Variants in LMNA observed in about 807,000 individuals in gnomAD.
LMNA encodes lamin A/C.
In LMNA, 20 loss-of-function variants were observed where a neutral mutation model predicts 70.4. That is an observed-to-expected ratio of 0.28 (90% CI 0.20 to 0.41). The LOEUF is 0.41. Among genes scored for constraint, LMNA ranks in the 10% least tolerant of loss-of-function variants. The pLI, the probability that LMNA is intolerant of heterozygous loss-of-function variation, is 1.00. For synonymous variants in LMNA, 339 were observed against 372.8 expected (o/e 0.91, Z 1.04); for missense variants, 652 against 917.2 (o/e 0.71, Z 3.73).
At position 156,139,277 on chromosome 1, in the gene LMNA, G is replaced by A; in HGVS notation, c.*171G>A. Reference sequence around the variant, plus strand: ...CTAAGAGAAGTTATTTTCTACAGTGGTTTTATACTGAAGGAAAAACACAAG... The same window carrying A: ...CTAAGAGAAGTTATTTTCTACAGTGATTTTATACTGAAGGAAAAACACAAG... On this transcript the variant is annotated 3_prime_UTR_variant, in exon 12 of 12. Transcript: ENST00000368300. 1 of 1,392,050 alleles carries A rather than the reference G, an allele frequency of 7.2e-7. No homozygotes were observed. 86.2% of individuals were successfully genotyped at this position (1,392,050 alleles called of 1,614,324 possible).
intron 1 of LMNA, 58 bp from the exon 2 acceptor site, chr1:156,130,559 G>A (rs1391287285): frequency 1.3e-6 from 2 of 1,584,314 alleles, no homozygotes; most frequent in Non-Finnish European, 1.7e-6. Flanking sequence ...TGGGAGCCTG[G>A]CACTGTCTAG....
chr1:156,129,751 G>C, intron 1 of LMNA: 1 of 672,920 alleles, frequency 1.5e-6, no homozygotes, highest in Middle Eastern at 3.8e-4. Flanking sequence ...CAGGGGCCCA[G>C]AAAAGGTGAG....
intron 2 of LMNA, among the ~76,000 whole-genome samples, chr1:156,084,328 C>CGGGGGGGGG (rs60777722): frequency 1.5e-4 from 14 of 91,000 alleles, no homozygotes; most frequent in South Asian, 3.7e-4. Flanking sequence ...CTCAGAAGGT[C>CGGGGGGGGG]GGGGGGTGGT....
rs1651817781 is a variant in LMNA at position 156,137,997 on chromosome 1, G to A, written c.1698+254G>A. 9 of 719,178 alleles carry A rather than the reference G, an allele frequency of 1.3e-5. No homozygotes were observed. The highest frequency in any genetic ancestry group is 3.0e-5 in the Admixed American group (1 of 33,816). The allele number at this position is 719,178 out of a possible 1,614,324, so 44.5% of individuals were successfully genotyped here. ...GCCATGGAATATTCCTGTGGGAGCA[G>A]TGGACAAGGGTCTGGATTTGTCTTC... On this transcript the variant is annotated intron_variant, in intron 10 of 11. Coordinates refer to ENST00000368300, the MANE Select transcript of LMNA (RefSeq NM_170707.4). The surrounding 1 kb of genome is among the most constrained non-coding windows in gnomAD (Gnocchi z 4.6).
chr1:156,113,323 CAAAA>C (rs956134969), upstream of LMNA, among the ~76,000 whole-genome samples: 1 of 150,890 alleles, frequency 6.6e-6, no homozygotes, highest in African/African-American at 2.4e-5. Flanking sequence ...AACAAACAAA[CAAAA>C]AAAACAAACA....
intron 1 of LMNA, chr1:156,123,072 G>A (rs1183524848): frequency 1.3e-5 from 2 of 152,268 alleles, no homozygotes; most frequent in Admixed American, 6.5e-5. Flanking sequence ...GAGACCCTAA[G>A]CTTGTCCAGT....
In LMNA at chr1:156,114,891, C is replaced by G; in HGVS notation, c.-28C>G. On this transcript the variant is annotated 5_prime_UTR_variant, in exon 1 of 12. Coordinates refer to ENST00000368300, the MANE Select transcript of LMNA (RefSeq NM_170707.4). ...CGCGCCCTTTCCGGGACCCCTGCCC[C>G]GCGGGCAGCGCTGCCAACCTGCCGG... The G allele has an allele frequency of 1.3e-6, 2 of 1,485,032 alleles. No homozygotes were observed. The highest frequency in any genetic ancestry group is 1.8e-6 in the Non-Finnish European group (2 of 1,106,126). 92.0% of individuals were successfully genotyped at this position (1,485,032 alleles called of 1,614,324 possible).
chr1:156,138,942 GC>G lies in LMNA; in HGVS notation c.1969-134del. ...TCTGCATCCTGCCCCTCTTGTCTGA[GC>G]CCCAGACTGGAGGGCAGGGGCAGGG... On this transcript the variant is annotated intron_variant, in intron 11 of 11. Coordinates refer to ENST00000368300, the MANE Select transcript of LMNA (RefSeq NM_170707.4). The surrounding 1 kb of genome is among the most constrained non-coding windows in gnomAD (Gnocchi z 5.5). 1 of 1,288,386 alleles carries G rather than the reference GC, an allele frequency of 7.8e-7. No homozygotes were observed. 79.8% of individuals were successfully genotyped at this position (1,288,386 alleles called of 1,614,324 possible).
chr1:156,118,609 C>A (rs1649990888), intron 1 of LMNA, among the ~76,000 whole-genome samples: 1 of 152,146 alleles, frequency 6.6e-6, no homozygotes, highest in African/African-American at 2.4e-5. Flanking sequence ...CTCTTCTATG[C>A]CCACAGTAGG....
intron 3 of LMNA, among the ~76,000 whole-genome samples, chr1:156,099,106 CA>C (rs1649046743): frequency 6.6e-6 from 1 of 152,150 alleles, no homozygotes; most frequent in Non-Finnish European, 1.5e-5. Context: ...GGCAGGCAGG[CA>C]AAGGCTGCCC....
intron 1 of LMNA, among the ~76,000 whole-genome samples, chr1:156,116,372 CT>C (rs570694698): frequency 1.9e-3 from 203 of 107,430 alleles, no homozygotes; most frequent in African/African-American, 7.0e-3. Flanking sequence ...GCACCTTCTT[CT>C]TTTCTAAAAA....
At chr1:156,092,035 G>A (rs372623235) in intron 3 of LMNA, among the ~76,000 whole-genome samples, 3 of 151,550 alleles carry the variant, frequency 2.0e-5, no homozygotes, top group East Asian at 2.0e-4. Context: ...CTCCTGCCTC[G>A]GCCTCCCTAG....
chr1:156,138,328 C>G lies in LMNA; in HGVS notation c.1699-160C>G. The G allele has an allele frequency of 2.8e-6, 2 of 710,108 alleles. No homozygotes were observed. Among genetic ancestry groups the G allele is most frequent in the Non-Finnish European group, 4.6e-6 (2 of 430,868 alleles). 44.0% of individuals were successfully genotyped at this position (710,108 alleles called of 1,614,324 possible). On this transcript the variant is annotated intron_variant, in intron 10 of 11. Transcript: ENST00000368300. The surrounding 1 kb of genome is among the most constrained non-coding windows in gnomAD (Gnocchi z 5.5). ...TATGTCTTCCCTCTCCTCCTCCGGG[C>G]CCCTAGCCTCCCAAACCCCCATTGC...
At chr1:156,132,389 G>A (rs1010541778) in intron 2 of LMNA, among the ~76,000 whole-genome samples, 1 of 152,036 alleles carries the variant, frequency 6.6e-6, no homozygotes, top group Non-Finnish European at 1.5e-5. Flanking sequence ...AGAATCGCTT[G>A]AACCCGGGAG....
intron 3 of LMNA, among the ~76,000 whole-genome samples, chr1:156,102,971 T>TG (rs1194381503): frequency 6.6e-6 from 1 of 152,214 alleles, no homozygotes; most frequent in African/African-American, 2.4e-5. Flanking sequence ...CACTTCTCCC[T>TG]GGGGACTTGT....
At chr1:156,126,143 A>T in intron 1 of LMNA, 1 of 1,506,082 alleles carries the variant, frequency 6.6e-7, no homozygotes, top group Non-Finnish European at 8.9e-7. Context: ...GGGAGACAGG[A>T]AATGCCCAGG....
Position 156,135,640 on chromosome 1 carries a change from C to T in LMNA, c.937-261C>T. The T allele has an allele frequency of 1.7e-6, 1 of 593,576 alleles. No individual in the cohort carries two copies. Among genetic ancestry groups the T allele is most frequent in the South Asian group, 2.0e-5 (1 of 49,568 alleles). 36.8% of individuals were successfully genotyped at this position (593,576 alleles called of 1,614,324 possible). On this transcript the variant is annotated intron_variant, in intron 5 of 11. Coordinates refer to ENST00000368300, the MANE Select transcript of LMNA (RefSeq NM_170707.4). This position sits in a 1 kb window ranked among gnomAD's most constrained non-coding sequence, Gnocchi z 4.8. ...AAAGCATCAGTATTTTTCTAGTTGGCTGTGCTATTTGTGACAGGAGAAAAA... is the reference window on the plus strand; with the variant it reads ...AAAGCATCAGTATTTTTCTAGTTGGTTGTGCTATTTGTGACAGGAGAAAAA...
intron 1 of LMNA, among the ~76,000 whole-genome samples, chr1:156,130,284 G>A (rs1572352318): frequency 6.6e-6 from 1 of 152,138 alleles, no homozygotes; most frequent in Non-Finnish European, 1.5e-5. Flanking sequence ...AGGAGACAAA[G>A]GTACCCCTGT....
Position 156,135,031 on chromosome 1 carries a change from AC to A in LMNA, c.810+59del, listed in dbSNP as rs1651427859. On this transcript the variant is annotated intron_variant, in intron 4 of 11. Transcript: ENST00000368300. This position sits in a 1 kb window ranked among gnomAD's most constrained non-coding sequence, Gnocchi z 4.8. The stretch of plus-strand genomic sequence containing the variant: ...CTCTGCCCTTGGCAGCCCTACCCTT[AC>A]CCACGCTGGGCTATGCCTTCTGGGG... The A allele has an allele frequency of 9.9e-6, 16 of 1,612,012 alleles. No homozygotes were observed. In the South Asian group the frequency reaches 1.8e-4, roughly 18 times the overall value.
Sources: gnomAD v4.1 joint callset for allele counts (sites outside exome capture counted in the v4.1 genomes callset) on GRCh38, gnomAD v4.1.1 for gene constraint, Gnocchi (gnomAD v3.1) non-coding constraint, MANE v1.5 for transcripts, NCBI Gene and HGNC (gene_info 2026-07-23, HGNC 2026-07-21) for gene names.